Variants in STAG1 observed in about 807,000 individuals in gnomAD.
The protein encoded by STAG1 is cohesin subunit SA-1.
A neutral mutation model predicts 170.9 loss-of-function variants in STAG1; 26 were observed. That is an observed-to-expected ratio of 0.15 (90% confidence interval 0.11 to 0.21). The LOEUF is 0.21. STAG1 is among the 10% of genes least tolerant of loss of function. The pLI is 1.00. For synonymous variants in STAG1, 514 were observed against 497.7 expected, an observed-to-expected ratio of 1.03 and a Z score of -0.44; for missense variants, 964 against 1,509.5, an observed-to-expected ratio of 0.64 and a Z score of 5.99.
intron 1 of STAG1, among the ~76,000 whole-genome samples, chr3:136,725,576 G>A (rs540367554): frequency 6.6e-6 from 1 of 152,174 alleles, no homozygotes; most frequent in Non-Finnish European, 1.5e-5. Context: ...TGACTTATGG[G>A]ATATGAGAAC....
intron 1 of STAG1, among the ~76,000 whole-genome samples, chr3:136,719,623 G>A (rs1378740410): frequency 1.5e-5 from 2 of 135,954 alleles, no homozygotes; most frequent in Non-Finnish European, 3.2e-5. Flanking sequence ...GGGTAGGTGG[G>A]TGGCTGGGTA....
intron 21 of STAG1, among the ~76,000 whole-genome samples, chr3:136,406,156 G>A (rs978964539): frequency 6.6e-6 from 1 of 152,114 alleles, no homozygotes; most frequent in East Asian, 1.9e-4. Flanking sequence ...TTCAGTAGCC[G>A]GATGGATAAA....
intron 29 of STAG1, among the ~76,000 whole-genome samples, chr3:136,348,402 A>T (rs1936313299): frequency 6.6e-6 from 1 of 151,652 alleles, no homozygotes; most frequent in South Asian, 2.1e-4. Context: ...AGATTTAGCC[A>T]TTACTGCCTT....
intron 33 of STAG1, 43 bp from the exon 34 acceptor site, chr3:136,338,320 A>T: frequency 1.3e-6 from 2 of 1,587,944 alleles, no homozygotes; most frequent in Non-Finnish European, 1.7e-6. Flanking sequence ...TTCATGCATA[A>T]ACAGGACCCA....
chr3:136,442,761 C>G (rs2088669201), intron 15 of STAG1, among the ~76,000 whole-genome samples: 1 of 151,918 alleles, frequency 6.6e-6, no homozygotes, highest in Non-Finnish European at 1.5e-5. Flanking sequence ...ACCTTTTGGC[C>G]AGGTGCAGTG....
intron 15 of STAG1, among the ~76,000 whole-genome samples, chr3:136,433,952 A>C (rs1366225030): frequency 6.6e-6 from 1 of 152,108 alleles, no homozygotes; most frequent in Non-Finnish European, 1.5e-5. Flanking sequence ...CCTTCTACAT[A>C]ATTTCAAAAC....
Position 136,357,706 on chromosome 3 carries a change from A to G in STAG1, c.3065+14T>C, listed in dbSNP as rs1936711211. On this transcript the variant is annotated intron_variant, in intron 28 of 33. Transcript: ENST00000383202. ...TTATTATAAAAACCACTTCTCTTGTAATGTGCAACTTACACTGTCTTTTTG... is the reference window on the plus strand; with the variant it reads ...TTATTATAAAAACCACTTCTCTTGTGATGTGCAACTTACACTGTCTTTTTG... The G allele has an allele frequency of 6.4e-7, 1 of 1,572,352 alleles. No individual in the cohort carries two copies. The highest frequency in any genetic ancestry group is 2.3e-5 in the East Asian group (1 of 44,084).
chr3:136,548,390 G>A (rs552378818), intron 5 of STAG1, among the ~76,000 whole-genome samples: 7 of 152,144 alleles, frequency 4.6e-5, no homozygotes, highest in Non-Finnish European at 8.8e-5. Context: ...CTGGCATTAC[G>A]GGTGTGAGCC....
At chr3:136,665,773 C>T (rs1288227971) in intron 1 of STAG1, among the ~76,000 whole-genome samples, 2 of 125,306 alleles carry the variant, frequency 1.6e-5, no homozygotes, top group Non-Finnish European at 3.3e-5. Context: ...GAGCAAGATT[C>T]CGTCTCAAAA....
At chr3:136,671,872 C>A (rs1355793101) in intron 1 of STAG1, among the ~76,000 whole-genome samples, 1 of 151,808 alleles carries the variant, frequency 6.6e-6, no homozygotes, top group African/African-American at 2.4e-5. Flanking sequence ...GAGACCATTA[C>A]CTTGAAGAAA....
At chr3:136,529,566 T>C (rs1254176346) in intron 6 of STAG1, among the ~76,000 whole-genome samples, 1 of 152,142 alleles carries the variant, frequency 6.6e-6, no homozygotes, top group Non-Finnish European at 1.5e-5. Flanking sequence ...CTTTAATAAA[T>C]GGAGAAATAA....
intron 1 of STAG1, among the ~76,000 whole-genome samples, chr3:136,727,361 C>T (rs996191537): frequency 1.3e-5 from 2 of 152,134 alleles, no homozygotes; most frequent in African/African-American, 4.8e-5. Context: ...AAGAGCCTAA[C>T]AAAGCCCTCA....
At chr3:136,457,885 T>C (rs757990704) in intron 13 of STAG1, among the ~76,000 whole-genome samples, 18 of 151,966 alleles carry the variant, frequency 1.2e-4, no homozygotes, top group Non-Finnish European at 2.2e-4. Context: ...CGCTTGAGCT[T>C]AGGAGTTTGA....
At chr3:136,460,371 G>A (rs780610456) in intron 13 of STAG1, among the ~76,000 whole-genome samples, 7 of 152,146 alleles carry the variant, frequency 4.6e-5, no homozygotes, top group Non-Finnish European at 8.8e-5. Flanking sequence ...GGAGGCCAAG[G>A]TGGGTGAATC....
intron 8 of STAG1, among the ~76,000 whole-genome samples, chr3:136,502,122 G>C (rs537155664): frequency 6.6e-6 from 1 of 151,826 alleles, no homozygotes; most frequent in South Asian, 2.1e-4. Flanking sequence ...AGGTTGCGGT[G>C]AGTTGAGATC....
At chr3:136,444,577 A>C (rs1472413948) in intron 14 of STAG1, among the ~76,000 whole-genome samples, 1 of 152,224 alleles carries the variant, frequency 6.6e-6, no homozygotes. Context: ...TGGGTTATTA[A>C]ACCAATTCAA....
chr3:136,511,056 G>T (rs1018751452), intron 7 of STAG1, among the ~76,000 whole-genome samples: 2 of 152,224 alleles, frequency 1.3e-5, no homozygotes, highest in Admixed American at 6.5e-5. Flanking sequence ...ACAGGCATGA[G>T]CCACTGCACC....
chr3:136,584,161 C>T (rs1212422506), intron 4 of STAG1, among the ~76,000 whole-genome samples: 1 of 152,202 alleles, frequency 6.6e-6, no homozygotes, highest in Non-Finnish European at 1.5e-5. Flanking sequence ...CTCTAAAATA[C>T]CATACTGGTC....
At chr3:136,543,625 G>A (rs946949367) in intron 5 of STAG1, among the ~76,000 whole-genome samples, 1 of 152,132 alleles carries the variant, frequency 6.6e-6, no homozygotes, top group African/African-American at 2.4e-5. Context: ...AGCTCCATCA[G>A]TTACCGGATA....
Sources: allele counts gnomAD v4.1 joint callset (sites outside exome capture counted in the v4.1 genomes callset), GRCh38; gene constraint gnomAD v4.1.1; transcripts MANE v1.5; gene names NCBI Gene and HGNC (gene_info 2026-07-23, HGNC 2026-07-21).